Variants in SLC9A4 observed in about 807,000 individuals in gnomAD.
SLC9A4 encodes the protein sodium/hydrogen exchanger 4.
SLC9A4 carries 63 observed loss-of-function variants against 67.4 expected under a neutral mutation model. The ratio of observed to expected loss-of-function variants is 0.93; its 90% CI spans 0.76 to 1.15. The LOEUF (loss-of-function observed/expected upper bound fraction) is 1.15, where lower values mean the gene tolerates loss of function less well. Among genes scored for constraint, SLC9A4 ranks in the 50% most tolerant of loss-of-function variants. The probability of loss-of-function intolerance (pLI) is 0.00; values close to 1 mark genes in which losing one functional copy is unlikely to be tolerated. For synonymous variants in SLC9A4, 393 were observed against 367.2 expected (o/e 1.07, Z -0.80); for missense variants, 1,089 against 987.7 (o/e 1.10, Z -1.38).
intron 8 of SLC9A4, among the ~76,000 whole-genome samples, chr2:102,515,160 G>A (rs576281260): frequency 9.2e-5 from 14 of 152,066 alleles, no homozygotes; most frequent in African/African-American, 3.4e-4. Flanking sequence ...GTTGTCTTCA[G>A]CAGGTAAAAA....
intron 11 of SLC9A4, among the ~76,000 whole-genome samples, chr2:102,527,839 T>A (rs1001359964): frequency 1.3e-5 from 2 of 152,206 alleles, no homozygotes; most frequent in Non-Finnish European, 2.9e-5. Context: ...AAGTTGAACA[T>A]CTTTCACATT....
At chr2:102,523,023 C>T (rs115508175) in intron 9 of SLC9A4, among the ~76,000 whole-genome samples, 176 of 151,496 alleles carry the variant, frequency 1.2e-3, no homozygotes, top group Middle Eastern at 0.01. Context: ...GGCTAGAGTG[C>T]GGTGGCATGA....
At chr2:102,495,164 A>G (rs1684781234) in intron 2 of SLC9A4, among the ~76,000 whole-genome samples, 1 of 152,194 alleles carries the variant, frequency 6.6e-6, no homozygotes, top group South Asian at 2.1e-4. Context: ...TTAAAAATAT[A>G]TTTAAAATAT....
intron 2 of SLC9A4, among the ~76,000 whole-genome samples, chr2:102,493,535 T>C (rs1180784693): frequency 4.0e-5 from 6 of 151,750 alleles, no homozygotes; most frequent in Non-Finnish European, 8.8e-5. Flanking sequence ...CTCACTATCA[T>C]GAAGACAGCA....
chr2:102,488,396 T>G lies in SLC9A4; in HGVS notation c.720+9094T>G, dbSNP rs113258302. Among the ~76,000 whole-genome samples, 1,417 of 152,158 alleles carry G rather than the reference T, an allele frequency of 9.3e-3. 27 individuals carry two copies. The highest frequency in any genetic ancestry group is 0.033 in the African/African-American group (1,368 of 41,508). ...CACAGGCCTGGATGGGAGCACTAGA[T>G]CCAGGCGATGGGTGAGGGAGGAAGC... On this transcript the variant is annotated intron_variant, in intron 2 of 11. Coordinates refer to ENST00000295269, the MANE Select transcript of SLC9A4 (RefSeq NM_001011552.4).
chr2:102,478,922 A>C lies in SLC9A4; in HGVS notation c.340A>C (p.Ile114Leu), dbSNP rs778276379. ...ILVGALVGGI[I>L]FGTDHKSPPV... ...GGTGGGGGCGCTGGTGGGCGGCATC[A>C]TCTTCGGCACCGACCACAAATCGCC... Residue 114 changes from isoleucine (I) to leucine (L), a missense_variant, in exon 2 of 12, where the codon ATC (isoleucine) becomes CTC (leucine). Ile to Leu is a conservative substitution (Grantham distance 5). Coordinates refer to ENST00000295269, the MANE Select transcript of SLC9A4 (RefSeq NM_001011552.4). The C allele has an allele frequency of 9.9e-6, 16 of 1,613,970 alleles. No homozygotes were observed. The highest frequency in any genetic ancestry group is 1.3e-5 in the African/African-American group (1 of 74,936).
chr2:102,482,728 A>G (rs1684492076), intron 2 of SLC9A4, among the ~76,000 whole-genome samples: 1 of 152,052 alleles, frequency 6.6e-6, no homozygotes, highest in Non-Finnish European at 1.5e-5. Flanking sequence ...GACCAGGGAC[A>G]CCCCTTGGAA....
chr2:102,514,986 C>G (rs1368795529), intron 8 of SLC9A4, among the ~76,000 whole-genome samples: 1 of 152,136 alleles, frequency 6.6e-6, no homozygotes, highest in Non-Finnish European at 1.5e-5. Flanking sequence ...TGGCTAAATA[C>G]TTCTTAAAGC....
At position 102,533,677 on chromosome 2, in the gene SLC9A4, T is replaced by G. The variant is rs1158390852; in HGVS notation, c.*989T>G. On this transcript the variant is annotated 3_prime_UTR_variant, in exon 12 of 12. Coordinates refer to ENST00000295269, the MANE Select transcript of SLC9A4 (RefSeq NM_001011552.4). ...CCCCACAACAGTCCCCAGAGTGTGA[T>G]GTTCCCCTTCCTGTGTCCATGTGAT... The G allele has an allele frequency of 1.6e-5, 2 of 122,558 alleles. No individual in the cohort carries two copies. The highest frequency in any genetic ancestry group is 3.2e-5 in the Non-Finnish European group (2 of 62,384). The allele number at this position is 122,558 out of a possible 1,614,324, so 7.6% of individuals were successfully genotyped here.
intron 3 of SLC9A4, 53 bp from the exon 4 acceptor site, chr2:102,505,201 T>C: frequency 6.4e-7 from 1 of 1,562,872 alleles, no homozygotes; most frequent in Non-Finnish European, 8.7e-7. Context: ...GAGGGCGTTT[T>C]GTGGAGGGGG....
intron 6 of SLC9A4, among the ~76,000 whole-genome samples, chr2:102,510,873 A>T (rs1259676280): frequency 2.0e-5 from 3 of 152,250 alleles, no homozygotes; most frequent in Non-Finnish European, 4.4e-5. Context: ...CAAGTTCAGC[A>T]CAACATTGAA....
chr2:102,521,206 T>A (rs1685410468), intron 9 of SLC9A4, among the ~76,000 whole-genome samples: 1 of 152,152 alleles, frequency 6.6e-6, no homozygotes, highest in African/African-American at 2.4e-5. Context: ...TAGGGAAAGG[T>A]CTAGAAACGG....
At chr2:102,519,802 G>A in intron 8 of SLC9A4, 57 bp from the exon 9 acceptor site, 12 of 1,546,194 alleles carry the variant, frequency 7.8e-6, no homozygotes, top group Non-Finnish European at 1.1e-5. Flanking sequence ...ATAGTTTTGT[G>A]GCACCTCTTG....
chr2:102,476,551 T>C (rs1445433412), intron 1 of SLC9A4, among the ~76,000 whole-genome samples: 1 of 152,202 alleles, frequency 6.6e-6, no homozygotes, highest in Non-Finnish European at 1.5e-5. Context: ...ACTGGATTCC[T>C]GGAAGCAGGG....
At chr2:102,488,683 G>A (rs1367901064) in intron 2 of SLC9A4, among the ~76,000 whole-genome samples, 1 of 151,862 alleles carries the variant, frequency 6.6e-6, no homozygotes, top group Non-Finnish European at 1.5e-5. Context: ...CGAGTAGCTG[G>A]GACTAAAGGT....
At chr2:102,494,514 A>T (rs1343432117) in intron 2 of SLC9A4, among the ~76,000 whole-genome samples, 1 of 152,156 alleles carries the variant, frequency 6.6e-6, no homozygotes, top group African/African-American at 2.4e-5. Context: ...CTGTTAATGG[A>T]CTAAACGCTC....
At chr2:102,487,780 G>A (rs1414605744) in intron 2 of SLC9A4, among the ~76,000 whole-genome samples, 1 of 152,224 alleles carries the variant, frequency 6.6e-6, no homozygotes, top group Non-Finnish European at 1.5e-5. Flanking sequence ...ATGGGGTTGA[G>A]CAGCTATGGA....
intron 7 of SLC9A4, among the ~76,000 whole-genome samples, 173 bp downstream of exon 7, chr2:102,512,446 G>T (rs1193599377): frequency 6.6e-6 from 1 of 152,210 alleles, no homozygotes; most frequent in East Asian, 1.9e-4. Flanking sequence ...GGAAAATGAA[G>T]AATTGTCAGG....
At position 102,479,163 on chromosome 2, in the gene SLC9A4, T is replaced by G. The variant is rs1684402133; in HGVS notation, c.581T>G (p.Leu194Arg). 2 of 1,614,058 alleles carry G rather than the reference T, an allele frequency of 1.2e-6. No individual in the cohort carries two copies. The highest frequency in any genetic ancestry group is 2.2e-5 in the South Asian group (2 of 91,076). The stretch of plus-strand genomic sequence containing the variant: ...TTTGGCCTGGGCGACGTCAACCTGC[T>G]GCAGAACCTGCTGTTCGGCAGCCTG... The part of the protein sequence containing the change: ...KAFGLGDVNL[L>R]QNLLFGSLIS... The change falls in exon 2 of 12, where the codon CTG becomes CGG. Residue 194 changes from leucine (L) to arginine (R), a missense_variant. Leu to Arg is a moderately radical substitution (Grantham distance 102, BLOSUM62 -2). Coordinates refer to ENST00000295269, the MANE Select transcript of SLC9A4 (RefSeq NM_001011552.4).
Sources: gnomAD v4.1 joint callset for allele counts (sites outside exome capture counted in the v4.1 genomes callset) on GRCh38, gnomAD v4.1.1 for gene constraint, MANE v1.5 for transcripts, NCBI Gene and HGNC (gene_info 2026-07-23, HGNC 2026-07-21) for gene names.